AFF3: variants seen among roughly 807,000 people sequenced by gnomAD.
The protein encoded by AFF3 is ALF transcription elongation factor 3.
In AFF3, 32 loss-of-function variants were observed where a neutral mutation model predicts 129.7. The observed-to-expected ratio is 0.25, with a 90% CI of 0.19 to 0.33. The LOEUF is 0.33. Among genes scored for constraint, AFF3 ranks in the 10% least tolerant of loss-of-function variants. AFF3 has a pLI of 1.00. For synonymous variants in AFF3, 644 were observed against 635.4 expected (o/e 1.01, Z -0.20); for missense variants, 1,373 against 1,592.0 (o/e 0.86, Z 2.34).
chr2:100,022,497 G>A (rs1045906248), intron 4 of AFF3, among the ~76,000 whole-genome samples: 2 of 150,628 alleles, frequency 1.3e-5, no homozygotes, highest in African/African-American at 2.5e-5. Flanking sequence ...TGTGACCTCC[G>A]CCTTCCGGGT....
At chr2:100,090,479 A>C (rs1210035079) in intron 4 of AFF3, among the ~76,000 whole-genome samples, 1 of 152,228 alleles carries the variant, frequency 6.6e-6, no homozygotes, top group Non-Finnish European at 1.5e-5. Flanking sequence ...AGCAGGACTT[A>C]ATGACAGTGA....
chr2:99,948,977 A>C (rs1367984220), intron 7 of AFF3, among the ~76,000 whole-genome samples: 1 of 152,204 alleles, frequency 6.6e-6, no homozygotes, highest in Non-Finnish European at 1.5e-5. Flanking sequence ...GGCCTTGTTT[A>C]AGTTGACAAT....
At chr2:99,949,235 T>C (rs1675918379) in intron 7 of AFF3, among the ~76,000 whole-genome samples, 1 of 152,344 alleles carries the variant, frequency 6.6e-6, no homozygotes, top group East Asian at 1.9e-4. Flanking sequence ...AACACATCCA[T>C]TTAGGATATT....
intron 7 of AFF3, among the ~76,000 whole-genome samples, chr2:99,941,708 C>CCTT (rs781590491): frequency 2.0e-5 from 3 of 152,220 alleles, no homozygotes; most frequent in Non-Finnish European, 2.9e-5. Flanking sequence ...TGTCCTTCCT[C>CCTT]CTTCTTCCTC....
At chr2:99,735,955 AT>A (rs1680219420) in intron 10 of AFF3, among the ~76,000 whole-genome samples, 1 of 152,072 alleles carries the variant, frequency 6.6e-6, no homozygotes, top group African/African-American at 2.4e-5. Context: ...TCCTAGTCAT[AT>A]TTTCATTATC....
intron 8 of AFF3, among the ~76,000 whole-genome samples, chr2:99,827,493 T>C (rs1450831796): frequency 6.6e-6 from 1 of 151,890 alleles, no homozygotes; most frequent in Admixed American, 6.6e-5. Flanking sequence ...CCTGGGGTGG[T>C]AACCTCAGTA....
At chr2:99,958,907 G>A (rs1676934497) in intron 7 of AFF3, among the ~76,000 whole-genome samples, 1 of 151,944 alleles carries the variant, frequency 6.6e-6, no homozygotes, top group African/African-American at 2.4e-5. Context: ...GGGCCCAGGA[G>A]TTCGAGATCA....
chr2:99,731,674 CAAT>C (rs1382668075), intron 10 of AFF3, among the ~76,000 whole-genome samples: 2 of 151,916 alleles, frequency 1.3e-5, no homozygotes, highest in Non-Finnish European at 2.9e-5. Context: ...AATCATAAAC[CAAT>C]AATGAGAATT....
chr2:99,833,734 C>T (rs573044922), intron 8 of AFF3, among the ~76,000 whole-genome samples: 20 of 152,164 alleles, frequency 1.3e-4, no homozygotes, highest in Admixed American at 3.9e-4. Context: ...ATGAAAAGCA[C>T]CTAAGTATTA....
rs1231565267 is a variant in AFF3, at chr2:100,045,322, G to A, written c.54-36390C>T. Among the ~76,000 whole-genome samples the A allele has an allele frequency of 3.3e-5, 5 of 152,144 alleles. No homozygotes were observed. In the South Asian group the frequency reaches 6.2e-4, roughly 19 times the overall value. The stretch of plus-strand genomic sequence containing the variant: ...TGTTCACCGGCGCTCTTTTCTTCTC[G>A]TTCTGCCTCTAAGAGGCACAGAAAA... On this transcript the variant is annotated intron_variant, in intron 4 of 24. Transcript: ENST00000672756.
chr2:99,680,203 G>A (rs1674394454), intron 11 of AFF3, among the ~76,000 whole-genome samples: 1 of 152,206 alleles, frequency 6.6e-6, no homozygotes, highest in Non-Finnish European at 1.5e-5. Context: ...CAGGGAAAGA[G>A]GGCTGGATAT....
chr2:99,669,142 C>T (rs143583074), intron 12 of AFF3, among the ~76,000 whole-genome samples: 50 of 152,238 alleles, frequency 3.3e-4, no homozygotes, highest in African/African-American at 9.4e-4. Context: ...CATGCACATA[C>T]CCTACTGCTC....
At chr2:99,775,692 G>A (rs62150109) in intron 8 of AFF3, among the ~76,000 whole-genome samples, 2 of 150,612 alleles carry the variant, frequency 1.3e-5, no homozygotes, top group African/African-American at 2.4e-5. Context: ...AATAAAAGTT[G>A]GAAAAAAAAA....
chr2:100,090,668 T>A (rs1172659517), intron 4 of AFF3, among the ~76,000 whole-genome samples: 2 of 151,878 alleles, frequency 1.3e-5, no homozygotes, highest in Non-Finnish European at 1.5e-5. Context: ...CATACATACA[T>A]ACATATATAT....
At chr2:99,753,342 C>T (rs945739111) in intron 8 of AFF3, among the ~76,000 whole-genome samples, 16 of 152,162 alleles carry the variant, frequency 1.1e-4, no homozygotes, top group South Asian at 4.1e-4. Flanking sequence ...TCGGGTGACC[C>T]GCCCACCTTG....
At chr2:99,783,745 T>C (rs1420571678) in intron 8 of AFF3, among the ~76,000 whole-genome samples, 1 of 152,222 alleles carries the variant, frequency 6.6e-6, no homozygotes, top group East Asian at 1.9e-4. Flanking sequence ...AAAGAAAGAA[T>C]GGTCAGGAGA....
chr2:100,076,634 C>A (rs1462128607), intron 4 of AFF3, among the ~76,000 whole-genome samples: 3 of 152,164 alleles, frequency 2.0e-5, no homozygotes. Context: ...TGACTCCATT[C>A]GAGCTGATAA....
intron 13 of AFF3, among the ~76,000 whole-genome samples, chr2:99,606,433 C>A (rs535756915): frequency 3.9e-5 from 6 of 152,084 alleles, no homozygotes; most frequent in Non-Finnish European, 5.9e-5. Context: ...TTATTGAGAT[C>A]ATGGAATAAA....
At position 100,006,317 on chromosome 2, in the gene AFF3, T is replaced by G. The variant is rs1034639642; in HGVS notation, c.873+315A>C. ...CTTATTCACTTATTTCTTAATTTTA[T>G]TTATACCCTCAGTGAACACTAGCTA... On this transcript the variant is annotated intron_variant, in intron 7 of 24. Coordinates refer to ENST00000672756, the MANE Select transcript of AFF3 (RefSeq NM_001386135.1). The G allele has an allele frequency of 7.1e-5, 16 of 224,978 alleles. No individual in the cohort carries two copies. In the Admixed American group the frequency reaches 7.3e-4, roughly 10 times the overall value. The allele number at this position is 224,978 out of a possible 1,614,324, so 13.9% of individuals were successfully genotyped here. A position where few individuals can be genotyped will look rare whatever the true frequency, so the allele number is the denominator to read the frequency against.
Sources: gnomAD v4.1 joint callset for allele counts (sites outside exome capture counted in the v4.1 genomes callset) on GRCh38, gnomAD v4.1.1 for gene constraint, MANE v1.5 for transcripts, NCBI Gene and HGNC (gene_info 2026-07-23, HGNC 2026-07-21) for gene names.